The following NECAB1 variants were observed in gnomAD, a reference collection of about 807,000 sequenced individuals.
NECAB1 encodes the protein N-terminal EF-hand calcium-binding protein 1.
Under a neutral mutation model 57.5 loss-of-function variants are expected in NECAB1, and 29 were observed. The ratio of observed to expected loss-of-function variants is 0.50; its 90% CI spans 0.38 to 0.69. The LOEUF (loss-of-function observed/expected upper bound fraction) is 0.69, where lower values mean the gene tolerates loss of function less well. Among genes scored for constraint, NECAB1 ranks in the 30% least tolerant of loss-of-function variants. The pLI is 0.00. For missense variants in NECAB1, 372 were observed against 413.8 expected (o/e 0.90, Z 0.88); for synonymous variants, 142 against 147.7 (o/e 0.96, Z 0.28).
chr8:90,853,205 A>T (rs886201889), intron 3 of NECAB1, among the ~76,000 whole-genome samples: 1 of 152,168 alleles, frequency 6.6e-6, no homozygotes, highest in Non-Finnish European at 1.5e-5. Flanking sequence ...GGTCTGAGTG[A>T]GTGGAGGTAA....
At chr8:90,834,898 T>C (rs1445146784) in intron 3 of NECAB1, among the ~76,000 whole-genome samples, 1 of 152,094 alleles carries the variant, frequency 6.6e-6, no homozygotes, top group African/African-American at 2.4e-5. Flanking sequence ...AACCAATCTT[T>C]ATCACCTAAA....
chr8:90,811,119 T>C (rs1811952190), intron 2 of NECAB1, among the ~76,000 whole-genome samples: 1 of 151,922 alleles, frequency 6.6e-6, no homozygotes, highest in African/African-American at 2.4e-5. Flanking sequence ...GGCTAATTTT[T>C]TGGGGTTTTG....
At chr8:90,811,582 T>C (rs76115732) in intron 2 of NECAB1, among the ~76,000 whole-genome samples, 2,522 of 152,228 alleles carry the variant, frequency 0.017, 76 homozygotes, top group African/African-American at 0.058. Context: ...TAAAGTAAAA[T>C]TGGGAAATTG....
At chr8:90,817,968 C>T (rs1812084947) in intron 2 of NECAB1, among the ~76,000 whole-genome samples, 1 of 151,778 alleles carries the variant, frequency 6.6e-6, no homozygotes. Context: ...TTATTAATAA[C>T]TGATTATTTA....
At chr8:90,937,612 T>G (rs1810568392) in intron 9 of NECAB1, among the ~76,000 whole-genome samples, 4 of 152,244 alleles carry the variant, frequency 2.6e-5, no homozygotes, top group Admixed American at 2.0e-4. Flanking sequence ...TGTATGGCAC[T>G]TCTTACCAAA....
chr8:90,855,669 A>C (rs1419164931), intron 3 of NECAB1, among the ~76,000 whole-genome samples: 1 of 152,184 alleles, frequency 6.6e-6, no homozygotes, highest in Non-Finnish European at 1.5e-5. Context: ...TGGACTTTGA[A>C]TATTAATTTA....
chr8:90,884,567 A>T (rs1443162315), intron 5 of NECAB1, among the ~76,000 whole-genome samples: 1 of 152,214 alleles, frequency 6.6e-6, no homozygotes, highest in African/African-American at 2.4e-5. Context: ...GTGGCATAGT[A>T]AAATACCCTT....
chr8:90,880,961 A>C, intron 4 of NECAB1, 72 bp from the exon 5 acceptor site: 1 of 1,086,694 alleles, frequency 9.2e-7, no homozygotes. Context: ...GGAGTAAATA[A>C]TTAGTTGATT....
At position 90,927,805 on chromosome 8, in the gene NECAB1, GT is replaced by G. The variant is rs141946433; in HGVS notation, c.617-407del. On this transcript the variant is annotated intron_variant, in intron 7 of 12. Transcript: ENST00000417640. ...AGACACCAACTATCTTGCCCTTATGGTTTTTTTTTTTATCGTAGCAATTTAC... is the reference window on the plus strand; with the variant it reads ...AGACACCAACTATCTTGCCCTTATGGTTTTTTTTTTATCGTAGCAATTTAC... Among the ~76,000 whole-genome samples the G allele has an allele frequency of 2.2e-3, 322 of 144,642 alleles. 13 individuals are homozygous for G. Among genetic ancestry groups the G allele is most frequent in the African/African-American group, 6.6e-3 (257 of 39,120 alleles). The allele number at this position is 144,642 out of a possible 152,430, so 94.9% of individuals were successfully genotyped here.
At chr8:90,807,144 C>T (rs1371789521) in intron 2 of NECAB1, among the ~76,000 whole-genome samples, 1 of 152,102 alleles carries the variant, frequency 6.6e-6, no homozygotes, top group East Asian at 1.9e-4. Context: ...TGATTTAATG[C>T]ATTTGATGTT....
intron 2 of NECAB1, among the ~76,000 whole-genome samples, chr8:90,808,589 T>C (rs982416702): frequency 2.0e-5 from 3 of 152,008 alleles, no homozygotes; most frequent in Non-Finnish European, 4.4e-5. Context: ...AGGAAGTTCT[T>C]AATAAGTGTT....
chr8:90,944,684 A>G (rs1319046567), intron 10 of NECAB1, among the ~76,000 whole-genome samples: 1 of 152,218 alleles, frequency 6.6e-6, no homozygotes, highest in Non-Finnish European at 1.5e-5. Flanking sequence ...GGTAGAGCAC[A>G]ATTAAAATCA....
chr8:90,887,258 A>G (rs1292638945), intron 5 of NECAB1, among the ~76,000 whole-genome samples: 1 of 152,050 alleles, frequency 6.6e-6, no homozygotes, highest in Admixed American at 6.6e-5. Context: ...CATTTTTTTT[A>G]TCTGAACTTT....
Position 90,791,822 on chromosome 8 carries a change from G to A in NECAB1, c.-65G>A. ...GCGGCGAAGCAGCAGCTGCGGCCGCGCCCTTGCCAGAGCCGGTGCGTCCGC... is the reference window on the plus strand; with the variant it reads ...GCGGCGAAGCAGCAGCTGCGGCCGCACCCTTGCCAGAGCCGGTGCGTCCGC... On this transcript the variant is annotated 5_prime_UTR_variant, in exon 1 of 13. Coordinates refer to ENST00000417640, the MANE Select transcript of NECAB1 (RefSeq NM_022351.5). 1 of 1,347,948 alleles carries A rather than the reference G, an allele frequency of 7.4e-7. No homozygotes were observed. Among genetic ancestry groups the A allele is most frequent in the South Asian group, 1.3e-5 (1 of 79,348 alleles). The allele number at this position is 1,347,948 out of a possible 1,614,324, so 83.5% of individuals were successfully genotyped here.
chr8:90,884,380 C>G (rs1197083865), intron 5 of NECAB1, among the ~76,000 whole-genome samples: 1 of 152,088 alleles, frequency 6.6e-6, no homozygotes, highest in Non-Finnish European at 1.5e-5. Context: ...GCTCCATAGT[C>G]CTTTCACTAA....
chr8:90,933,185 T>C (rs560119059), intron 8 of NECAB1, among the ~76,000 whole-genome samples: 1 of 152,296 alleles, frequency 6.6e-6, no homozygotes, highest in South Asian at 2.1e-4. Context: ...CTTAAAGAAC[T>C]AGAAGTAGAA....
intron 9 of NECAB1, among the ~76,000 whole-genome samples, chr8:90,934,955 A>T (rs1810499962): frequency 6.6e-6 from 1 of 152,178 alleles, no homozygotes; most frequent in South Asian, 2.1e-4. Flanking sequence ...AATTAAAAGC[A>T]GTACATACCA....
At chr8:90,802,198 A>G (rs1811768297) in intron 2 of NECAB1, among the ~76,000 whole-genome samples, 1 of 152,222 alleles carries the variant, frequency 6.6e-6, no homozygotes, top group Non-Finnish European at 1.5e-5. Flanking sequence ...GTCTGCCTGG[A>G]AACCTGCATT....
Position 90,828,906 on chromosome 8 carries a change from T to G in NECAB1, c.233+4081T>G, listed in dbSNP as rs1812264266. On this transcript the variant is annotated intron_variant, in intron 3 of 12. Coordinates refer to ENST00000417640, the MANE Select transcript of NECAB1 (RefSeq NM_022351.5). ...CAAGCTTTAAGAGAAGTGCATACAA[T>G]TTAATATTCTGAAGTAACCTGAAGG... 2.0e-5 allele frequency among the ~76,000 whole-genome samples: 3 copies of G among 152,048 alleles called. No individual in the cohort carries two copies. In the South Asian group the frequency reaches 6.2e-4, roughly 31 times the overall value.
Sources: allele counts gnomAD v4.1 joint callset (sites outside exome capture counted in the v4.1 genomes callset), GRCh38; gene constraint gnomAD v4.1.1; transcripts MANE v1.5; gene names NCBI Gene and HGNC (gene_info 2026-07-23, HGNC 2026-07-21).